The following STK32C variants were observed in gnomAD, a reference collection of about 807,000 sequenced individuals.
The protein encoded by STK32C is serine/threonine kinase 32C, also known as serine/threonine-protein kinase 32C.
A neutral mutation model predicts 56.5 loss-of-function variants in STK32C; 31 were observed. The observed-to-expected ratio is 0.55, with a 90% confidence interval of 0.41 to 0.74. The LOEUF is 0.74. Ranked by LOEUF, STK32C falls within the 30% of genes least tolerant of loss-of-function variation. STK32C has a pLI of 0.00. For missense variants in STK32C, 544 were observed against 676.9 expected (o/e 0.80, Z 2.18); for synonymous variants, 309 against 289.4 (o/e 1.07, Z -0.69).
intron 10 of STK32C, among the ~76,000 whole-genome samples, chr10:132,221,537 G>T (rs2062649996): frequency 7.0e-6 from 1 of 143,728 alleles, no homozygotes; most frequent in African/African-American, 2.6e-5. Flanking sequence ...ACGCACCTGG[G>T]CAAGTGTGAG....
At chr10:132,282,542 C>T (rs555940762) in intron 1 of STK32C, among the ~76,000 whole-genome samples, 1 of 145,668 alleles carries the variant, frequency 6.9e-6, no homozygotes, top group African/African-American at 2.6e-5. Context: ...CCTGTACCTG[C>T]GCCTGTCCTT....
At chr10:132,268,801 G>A (rs1213450929) in intron 1 of STK32C, among the ~76,000 whole-genome samples, 1 of 150,156 alleles carries the variant, frequency 6.7e-6, no homozygotes. Context: ...CACATCGTGT[G>A]TGTGTGTGTC....
rs535766418 is a variant in STK32C, at chr10:132,306,149, ACT to A, written c.262+1421_262+1422del. ...GCTGAAGGCAGCCCAGTGCCACACC[ACT>A]GTCTCCACTCCCACCCCCGGAGAGC... On this transcript the variant is annotated intron_variant, in intron 1 of 11. Coordinates refer to ENST00000298630, the MANE Select transcript of STK32C (RefSeq NM_173575.4). Among the ~76,000 whole-genome samples, 214 of 152,250 alleles carry A rather than the reference ACT, an allele frequency of 1.4e-3. 2 individuals are homozygous for A. Among genetic ancestry groups the A allele is most frequent in the African/African-American group, 4.5e-3 (188 of 41,548 alleles).
intron 1 of STK32C, among the ~76,000 whole-genome samples, chr10:132,266,820 T>G (rs2064550576): frequency 6.6e-6 from 1 of 151,294 alleles, no homozygotes. Context: ...GCGGGGGGAC[T>G]CCAAGGAGAG....
At chr10:132,304,580 G>A (rs546960737) in intron 1 of STK32C, among the ~76,000 whole-genome samples, 8 of 152,234 alleles carry the variant, frequency 5.3e-5, no homozygotes, top group African/African-American at 1.9e-4. Context: ...GTTTCTCCAC[G>A]GCTGTACCTG....
At chr10:132,243,505 T>C (rs1361744236) in intron 2 of STK32C, among the ~76,000 whole-genome samples, 3 of 152,108 alleles carry the variant, frequency 2.0e-5, no homozygotes, top group Non-Finnish European at 2.9e-5. Context: ...CAAGTCTAGA[T>C]TCCTCCCTGC....
At chr10:132,280,679 C>CGCACCTCCACTCCGTGATCAT (rs2065166443) in intron 1 of STK32C, among the ~76,000 whole-genome samples, 1 of 90,092 alleles carries the variant, frequency 1.1e-5, no homozygotes, top group East Asian at 2.1e-4. Flanking sequence ...TCCGTGATCA[C>CGCACCTCCACTCCGTGATCAT]GCACCTCCAC....
chr10:132,325,020 T>C (rs1423923516), intron 1 of STK32C, among the ~76,000 whole-genome samples: 1 of 152,176 alleles, frequency 6.6e-6, no homozygotes, highest in Non-Finnish European at 1.5e-5. Flanking sequence ...TAAGGGGTTG[T>C]AGAGATCAAG....
intron 2 of STK32C, among the ~76,000 whole-genome samples, chr10:132,229,250 G>A (rs1247053876): frequency 6.6e-6 from 1 of 152,188 alleles, no homozygotes; most frequent in Non-Finnish European, 1.5e-5. Flanking sequence ...CTGCTCTCTG[G>A]TCCTCAAGGA....
intron 4 of STK32C, 45 bp downstream of exon 4, chr10:132,226,750 C>T: frequency 1.3e-6 from 2 of 1,594,898 alleles, no homozygotes; most frequent in South Asian, 2.2e-5. Context: ...CTGCTTCAGC[C>T]CCGCCCACCT....
At chr10:132,319,835 A>G (rs574265077), downstream of STK32C, among the ~76,000 whole-genome samples, 1 of 151,282 alleles carries the variant, frequency 6.6e-6, no homozygotes, top group African/African-American at 2.4e-5. Flanking sequence ...TCCTTTTGTC[A>G]TCTCTATTGA....
chr10:132,293,437 T>C (rs974150333), intron 1 of STK32C, among the ~76,000 whole-genome samples: 2 of 152,216 alleles, frequency 1.3e-5, no homozygotes, highest in African/African-American at 2.4e-5. Context: ...CACAGGCCAG[T>C]GTGACAGTGA....
At chr10:132,259,707 C>T (rs915993147) in intron 1 of STK32C, among the ~76,000 whole-genome samples, 6 of 152,204 alleles carry the variant, frequency 3.9e-5, no homozygotes, top group Non-Finnish European at 8.8e-5. Context: ...TCCATTAAAC[C>T]TCTTTTCTTT....
intron 7 of STK32C, 40 bp downstream of exon 7, chr10:132,225,193 G>C (rs756568466): frequency 6.6e-7 from 1 of 1,526,400 alleles, no homozygotes. Context: ...AGAGAGCAGG[G>C]GCCTGGCAGC....
intron 2 of STK32C, among the ~76,000 whole-genome samples, chr10:132,242,868 C>G (rs114457713): frequency 1.6e-4 from 24 of 152,178 alleles, no homozygotes; most frequent in African/African-American, 5.8e-4. Context: ...CTCCATGGCA[C>G]GTTTGGTTTG....
chr10:132,319,777 G>T (rs1025393727), downstream of STK32C, among the ~76,000 whole-genome samples: 10 of 152,040 alleles, frequency 6.6e-5, no homozygotes, highest in African/African-American at 2.4e-4. Flanking sequence ...AAAAATTGTG[G>T]TATTGTGTCT....
intron 1 of STK32C, among the ~76,000 whole-genome samples, chr10:132,257,531 G>A (rs972219386): frequency 1.3e-5 from 2 of 152,058 alleles, no homozygotes; most frequent in South Asian, 4.1e-4. Context: ...GATGGGCGGG[G>A]CGGAGCTGCG....
intron 1 of STK32C, among the ~76,000 whole-genome samples, chr10:132,272,196 G>T (rs2138164471): frequency 6.6e-6 from 1 of 152,332 alleles, no homozygotes; most frequent in Admixed American, 6.5e-5. Context: ...TCACGTGGGT[G>T]GGCCCAATCC....
chr10:132,251,311 A>G (rs1464515770), intron 1 of STK32C, among the ~76,000 whole-genome samples: 1 of 152,186 alleles, frequency 6.6e-6, no homozygotes, highest in East Asian at 1.9e-4. Flanking sequence ...GAGGGAGCAG[A>G]GGGACGGGTC....
Sources: gnomAD v4.1 joint callset for allele counts (sites outside exome capture counted in the v4.1 genomes callset) on GRCh38, gnomAD v4.1.1 for gene constraint, MANE v1.5 for transcripts, NCBI Gene and HGNC (gene_info 2026-07-23, HGNC 2026-07-21) for gene names.